TBC1D12: variants seen among roughly 807,000 people sequenced by gnomAD.
TBC1D12 encodes the protein TBC1 domain family member 12, also known as TBC1 domain family, member 12.
Under a neutral mutation model 86.7 loss-of-function variants are expected in TBC1D12, and 56 were observed. That is an observed-to-expected ratio of 0.65 (90% CI 0.52 to 0.81). TBC1D12 has a LOEUF of 0.81. TBC1D12 is among the 30% of genes least tolerant of loss of function. The pLI, the probability that TBC1D12 is intolerant of heterozygous loss-of-function variation, is 0.00. For synonymous variants in TBC1D12, 421 were observed against 411.7 expected (o/e 1.02, Z -0.27); for missense variants, 1,023 against 1,038.8 (o/e 0.98, Z 0.21).
chr10:94,519,849 A>G (rs1842093396), intron 9 of TBC1D12, among the ~76,000 whole-genome samples: 1 of 152,174 alleles, frequency 6.6e-6, no homozygotes, highest in Admixed American at 6.5e-5. Flanking sequence ...AGGCCCACCC[A>G]GATAATTCAG....
intron 3 of TBC1D12, among the ~76,000 whole-genome samples, chr10:94,485,480 T>C (rs2056146142): frequency 6.6e-6 from 1 of 152,008 alleles, no homozygotes; most frequent in Non-Finnish European, 1.5e-5. Context: ...TGAATTCAGT[T>C]TGCTAGTATT....
chr10:94,426,701 C>T (rs900911517), intron 1 of TBC1D12, among the ~76,000 whole-genome samples: 17 of 152,154 alleles, frequency 1.1e-4, no homozygotes, highest in East Asian at 9.7e-4. Flanking sequence ...CTCAGCCTCC[C>T]GAGTAGCTGG....
In TBC1D12 at chr10:94,403,288, C is replaced by A. The variant is rs978271004; in HGVS notation, c.675C>A (p.Ser225Arg). The change falls in exon 1 of 13, where the codon AGC (serine) becomes AGA (arginine). Residue 225 changes from serine (S) to arginine (R), a missense_variant. By Grantham distance (110) the Ser-to-Arg change is moderately radical (BLOSUM62 -1). Coordinates refer to ENST00000225235, the MANE Select transcript of TBC1D12 (RefSeq NM_015188.2). ...GCGACTCGGGGGACAGCCCCGCCAGCAGCTGCAGCAGTAGCGAGGACTCAG... is the reference window on the plus strand; with the variant it reads ...GCGACTCGGGGGACAGCCCCGCCAGAAGCTGCAGCAGTAGCGAGGACTCAG... ...AGSDSGDSPA[S>R]SCSSSEDSEQ... The A allele has an allele frequency of 2.0e-6, 3 of 1,497,498 alleles. No homozygotes were observed. Among genetic ancestry groups the A allele is most frequent in the Middle Eastern group, 4.3e-4 (2 of 4,644 alleles). The allele number at this position is 1,497,498 out of a possible 1,614,324, so 92.8% of individuals were successfully genotyped here.
intron 2 of TBC1D12, among the ~76,000 whole-genome samples, chr10:94,465,150 G>A (rs1297182215): frequency 1.3e-5 from 2 of 152,188 alleles, no homozygotes; most frequent in East Asian, 1.9e-4. Context: ...ATAGAAAAAT[G>A]CATTGGTCTT....
intron 2 of TBC1D12, among the ~76,000 whole-genome samples, chr10:94,471,278 CAAA>C (rs556285067): frequency 7.6e-5 from 5 of 66,026 alleles, no homozygotes; most frequent in Non-Finnish European, 6.4e-5. Flanking sequence ...TCTGTATCTC[CAAA>C]AAAAAAAAAA....
At chr10:94,437,230 C>T (rs1334143090) in intron 1 of TBC1D12, among the ~76,000 whole-genome samples, 3 of 152,040 alleles carry the variant, frequency 2.0e-5, no homozygotes, top group African/African-American at 7.2e-5. Context: ...TATAATGTAT[C>T]TCAGTGTGAA....
Position 94,493,828 on chromosome 10 carries a change from A to G in TBC1D12, c.1294+381A>G, listed in dbSNP as rs1274205027. ...TTCTAAAGGAGGAATAAAATGACAT[A>G]CCAGGATCATAGTTTTTCTGCATGT... On this transcript the variant is annotated intron_variant, in intron 4 of 12. Transcript: ENST00000225235. Among the ~76,000 whole-genome samples, 26 of 152,142 alleles carry G rather than the reference A, an allele frequency of 1.7e-4. 1 individual carries two copies. Among genetic ancestry groups the G allele is most frequent in the Admixed American group, 1.7e-3 (26 of 15,278 alleles).
At chr10:94,470,803 T>G (rs1407530239) in intron 2 of TBC1D12, among the ~76,000 whole-genome samples, 1 of 151,864 alleles carries the variant, frequency 6.6e-6, no homozygotes, top group Non-Finnish European at 1.5e-5. Flanking sequence ...AATATTTAAG[T>G]TATTTTGATA....
chr10:94,471,863 T>C (rs1026113057), intron 2 of TBC1D12, among the ~76,000 whole-genome samples: 1 of 152,224 alleles, frequency 6.6e-6, no homozygotes, highest in East Asian at 1.9e-4. Flanking sequence ...GCTTATTTGG[T>C]TATTACTAAC....
intron 1 of TBC1D12, among the ~76,000 whole-genome samples, chr10:94,426,641 G>A (rs982226042): frequency 9.2e-5 from 14 of 152,000 alleles, no homozygotes; most frequent in African/African-American, 2.7e-4. Flanking sequence ...CAGTGGTAAC[G>A]ATCTCGGCTC....
chr10:94,440,566 C>T (rs554543272), intron 1 of TBC1D12, among the ~76,000 whole-genome samples: 2 of 152,148 alleles, frequency 1.3e-5, no homozygotes, highest in South Asian at 4.1e-4. Flanking sequence ...TATCACTAAT[C>T]TGCACTTTTA....
intron 3 of TBC1D12, among the ~76,000 whole-genome samples, chr10:94,489,672 A>G (rs530996716): frequency 6.6e-6 from 1 of 152,228 alleles, no homozygotes; most frequent in Admixed American, 6.5e-5. Context: ...TTAAATTGAG[A>G]GATATGGGAC....
chr10:94,452,628 T>C (rs1277640215), intron 2 of TBC1D12, among the ~76,000 whole-genome samples: 1 of 152,156 alleles, frequency 6.6e-6, no homozygotes, highest in Non-Finnish European at 1.5e-5. Context: ...CATTTCTTTT[T>C]AGTGCTGAAT....
chr10:94,403,471 C>T lies in TBC1D12; in HGVS notation c.858C>T (p.Arg286=). 5.2e-6 allele frequency: 8 copies of T among 1,542,512 alleles called. No homozygotes were observed. Among genetic ancestry groups the T allele is most frequent in the Non-Finnish European group, 7.0e-6 (8 of 1,144,898 alleles). The stretch of plus-strand genomic sequence containing the variant: ...AGGTGAGCCGCGGTCAGAGCGCCCG[C>T]GATCACCTGCCCCCGGCGGGGCCGC... ...TFQVSRGQSA[R]DHLPPAGPPV... The change falls in exon 1 of 13, where the codon CGC becomes CGT. Residue 286 remains arginine, a synonymous_variant. Transcript: ENST00000225235.
chr10:94,529,850 T>C (rs1174824905), intron 11 of TBC1D12, among the ~76,000 whole-genome samples: 1 of 152,132 alleles, frequency 6.6e-6, no homozygotes, highest in African/African-American at 2.4e-5. Context: ...AGGAGAGAAC[T>C]AATAAAGAGT....
intron 6 of TBC1D12, among the ~76,000 whole-genome samples, chr10:94,500,661 G>T (rs944253866): frequency 3.3e-5 from 5 of 152,084 alleles, no homozygotes; most frequent in Non-Finnish European, 7.4e-5. Flanking sequence ...TTATGAAAAG[G>T]CTTCACTTTT....
At chr10:94,407,398 G>T (rs1325084278) in intron 1 of TBC1D12, among the ~76,000 whole-genome samples, 1 of 152,098 alleles carries the variant, frequency 6.6e-6, no homozygotes, top group Non-Finnish European at 1.5e-5. Context: ...AAATTGAAAT[G>T]CAGCTGGGCG....
intron 12 of TBC1D12, among the ~76,000 whole-genome samples, chr10:94,532,604 C>G (rs1272575122): frequency 6.6e-6 from 1 of 152,064 alleles, no homozygotes; most frequent in Non-Finnish European, 1.5e-5. Flanking sequence ...TATTAAATAC[C>G]TACTGTGTAC....
intron 2 of TBC1D12, among the ~76,000 whole-genome samples, chr10:94,449,269 A>G (rs75107682): frequency 1.3e-5 from 2 of 152,284 alleles, no homozygotes; most frequent in Non-Finnish European, 2.9e-5. Flanking sequence ...AGACTTGTAT[A>G]TTATAGCAGG....
Sources: gnomAD v4.1 joint callset for allele counts (sites outside exome capture counted in the v4.1 genomes callset) on GRCh38, gnomAD v4.1.1 for gene constraint, MANE v1.5 for transcripts, NCBI Gene and HGNC (gene_info 2026-07-23, HGNC 2026-07-21) for gene names.